SUGCT: variants seen among roughly 807,000 people sequenced by gnomAD.
SUGCT encodes the protein succinyl-CoA:glutarate-CoA transferase, also known as succinyl-CoA:glutarate CoA-transferase.
A neutral mutation model predicts 55.0 loss-of-function variants in SUGCT; 41 were observed. That is an observed-to-expected ratio of 0.74 (90% CI 0.58 to 0.97). The LOEUF (loss-of-function observed/expected upper bound fraction) is 0.97, where lower values mean the gene tolerates loss of function less well. Among genes scored for constraint, SUGCT ranks in the 50% least tolerant of loss-of-function variants. The pLI, the probability that SUGCT is intolerant of heterozygous loss-of-function variation, is 0.00. For synonymous variants in SUGCT, 187 were observed against 200.4 expected, an observed-to-expected ratio of 0.93 and a Z score of 0.56; for missense variants, 568 against 547.8, an observed-to-expected ratio of 1.04 and a Z score of -0.37.
chr7:40,212,119 CTT>C (rs1787373524), intron 6 of SUGCT, among the ~76,000 whole-genome samples: 1 of 151,786 alleles, frequency 6.6e-6, no homozygotes, highest in Admixed American at 6.6e-5. Context: ...GGATCTCACT[CTT>C]TTGTCCAGGC....
chr7:40,584,126 A>G (rs1584050312), intron 12 of SUGCT, among the ~76,000 whole-genome samples: 1 of 152,196 alleles, frequency 6.6e-6, no homozygotes, highest in Non-Finnish European at 1.5e-5. Flanking sequence ...TGTTTTATCA[A>G]GTTAACAAAA....
At chr7:40,878,292 T>A in the SUGCT span, among the ~76,000 whole-genome samples, 1 of 152,262 alleles carries the variant, frequency 6.6e-6, no homozygotes, top group East Asian at 1.9e-4. Context: ...TAGTTATTTC[T>A]GTTTTCTCTG....
At chr7:40,821,925 A>C (rs1340351471) in intron 13 of SUGCT, among the ~76,000 whole-genome samples, 1 of 152,156 alleles carries the variant, frequency 6.6e-6, no homozygotes, top group East Asian at 1.9e-4. Context: ...TCCTCTACAC[A>C]CTGCTTTAAA....
chr7:40,444,731 A>C (rs1197688056), intron 9 of SUGCT, among the ~76,000 whole-genome samples: 3 of 152,104 alleles, frequency 2.0e-5, no homozygotes, highest in African/African-American at 7.2e-5. Context: ...CTCTTGCCTG[A>C]TTGCCCTGGC....
chr7:40,955,542 A>G, the SUGCT span, among the ~76,000 whole-genome samples: 1 of 152,096 alleles, frequency 6.6e-6, no homozygotes, highest in Admixed American at 6.6e-5. Context: ...GGCTGAGATG[A>G]TGGGGTTTTC....
At chr7:40,675,034 T>A (rs1041748369) in intron 12 of SUGCT, among the ~76,000 whole-genome samples, 2 of 151,836 alleles carry the variant, frequency 1.3e-5, no homozygotes, top group African/African-American at 2.4e-5. Context: ...GATAATTATA[T>A]GTAATATTAT....
At chr7:40,267,591 G>A (rs1791682027) in intron 7 of SUGCT, among the ~76,000 whole-genome samples, 1 of 152,146 alleles carries the variant, frequency 6.6e-6, no homozygotes, top group African/African-American at 2.4e-5. Context: ...CCAGAGTTAA[G>A]GAGAAGGGAG....
chr7:40,393,693 TAA>T (rs1381239638), intron 9 of SUGCT, among the ~76,000 whole-genome samples: 1 of 152,044 alleles, frequency 6.6e-6, no homozygotes, highest in Non-Finnish European at 1.5e-5. Flanking sequence ...AAGTCTGGAA[TAA>T]AGAGATAAGT....
intron 12 of SUGCT, among the ~76,000 whole-genome samples, chr7:40,712,973 G>A (rs1382759945): frequency 1.3e-5 from 2 of 152,196 alleles, no homozygotes; most frequent in Non-Finnish European, 2.9e-5. Flanking sequence ...CATTCACATG[G>A]TGGAATAGCA....
chr7:40,411,752 A>C (rs1412583601), intron 9 of SUGCT, among the ~76,000 whole-genome samples: 1 of 152,150 alleles, frequency 6.6e-6, no homozygotes, highest in Non-Finnish European at 1.5e-5. Flanking sequence ...GTACATTTCA[A>C]AATAGCTAGA....
intron 12 of SUGCT, among the ~76,000 whole-genome samples, chr7:40,528,487 A>G (rs975220558): frequency 6.6e-6 from 1 of 152,182 alleles, no homozygotes; most frequent in Non-Finnish European, 1.5e-5. Context: ...ACACATTAAG[A>G]ATGGAAAATT....
intron 9 of SUGCT, among the ~76,000 whole-genome samples, chr7:40,447,021 A>C (rs1788877415): frequency 6.6e-6 from 1 of 152,200 alleles, no homozygotes; most frequent in African/African-American, 2.4e-5. Context: ...TTTTTAGTGT[A>C]TTCAGAGTTG....
In SUGCT at chr7:40,764,917, C is replaced by T. The variant is rs75447575; in HGVS notation, c.1153+15420C>T. Among the ~76,000 whole-genome samples, 277 of 152,200 alleles carry T rather than the reference C, an allele frequency of 1.8e-3. 3 individuals are homozygous for T. The East Asian group carries it at 0.025, about 14-fold the overall frequency. On this transcript the variant is annotated intron_variant, in intron 13 of 13. Transcript: ENST00000335693. Reference sequence around the variant, plus strand: ...GTGTTCTTTCTGTGGTGTGGAGGCTCCTCTTTCTCTAGTATTCCAATCCTA... The same window carrying T: ...GTGTTCTTTCTGTGGTGTGGAGGCTTCTCTTTCTCTAGTATTCCAATCCTA...
At position 40,459,138 on chromosome 7, in the gene SUGCT, A is replaced by G. The variant is rs887613782; in HGVS notation, c.926A>G (p.Tyr309Cys). 1.9e-6 allele frequency: 3 copies of G among 1,611,916 alleles called. No homozygotes were observed. Among genetic ancestry groups the G allele is most frequent in the Non-Finnish European group, 8.5e-7 (1 of 1,178,800 alleles). Residue 309 changes from tyrosine to cysteine, a missense_variant, in exon 11 of 14, where the codon TAT (tyrosine) becomes TGT (cysteine). Physicochemically the swap from Tyr to Cys is radical, Grantham distance 194. Transcript: ENST00000335693. ...CCTGAGTTGATTGATAATTCCAAGTATAAAACTAACCACCTTCGGGTACAC... is the reference window on the plus strand; with the variant it reads ...CCTGAGTTGATTGATAATTCCAAGTGTAAAACTAACCACCTTCGGGTACAC... ...DLPELIDNSK[Y>C]KTNHLRVHNR...
At chr7:40,321,329 G>A (rs529531501) in intron 9 of SUGCT, among the ~76,000 whole-genome samples, 43 of 152,004 alleles carry the variant, frequency 2.8e-4, no homozygotes, top group Middle Eastern at 3.4e-3. Context: ...TGCCCACCTC[G>A]GCCTCCCAAA....
intron 6 of SUGCT, among the ~76,000 whole-genome samples, chr7:40,198,298 G>A (rs2150757213): frequency 6.6e-6 from 1 of 152,282 alleles, no homozygotes; most frequent in East Asian, 1.9e-4. Flanking sequence ...TCTTGTCTTA[G>A]TAGTAAGTGC....
At chr7:40,868,868 T>A in the SUGCT span, among the ~76,000 whole-genome samples, 3 of 152,278 alleles carry the variant, frequency 2.0e-5, no homozygotes, top group Admixed American at 2.0e-4. Context: ...ACTTGCTTTT[T>A]AAAAAATCTT....
intron 9 of SUGCT, among the ~76,000 whole-genome samples, chr7:40,406,726 A>T (rs1786390341): frequency 6.6e-6 from 1 of 152,220 alleles, no homozygotes; most frequent in Non-Finnish European, 1.5e-5. Flanking sequence ...ATTTAATCAT[A>T]AGAATGTATC....
At chr7:40,829,950 C>A (rs1391640447) in intron 13 of SUGCT, among the ~76,000 whole-genome samples, 1 of 152,200 alleles carries the variant, frequency 6.6e-6, no homozygotes, top group African/African-American at 2.4e-5. Flanking sequence ...AAAACCATTT[C>A]TCCCCCAGTA....
Sources: allele counts gnomAD v4.1 joint callset (sites outside exome capture counted in the v4.1 genomes callset), GRCh38; gene constraint gnomAD v4.1.1; transcripts MANE v1.5; gene names NCBI Gene and HGNC (gene_info 2026-07-23, HGNC 2026-07-21).